Variants in INTS8 observed in about 807,000 individuals in gnomAD.
The protein encoded by INTS8 is protein kaonashi-1.
In INTS8, 47 loss-of-function variants were observed where a neutral mutation model predicts 138.9. The observed-to-expected ratio is 0.34, with a 90% CI of 0.27 to 0.43. The LOEUF (loss-of-function observed/expected upper bound fraction) is 0.43, where lower values mean the gene tolerates loss of function less well. Ranked by LOEUF, INTS8 falls within the 20% of genes least tolerant of loss-of-function variation. The pLI, the probability that INTS8 is intolerant of heterozygous loss-of-function variation, is 1.00. For synonymous variants in INTS8, 392 were observed against 400.9 expected (o/e 0.98, Z 0.27); for missense variants, 996 against 1,173.0 (o/e 0.85, Z 2.20).
intron 10 of INTS8, among the ~76,000 whole-genome samples, chr8:94,844,597 A>G (rs938075667): frequency 4.6e-5 from 7 of 152,144 alleles, no homozygotes; most frequent in African/African-American, 9.7e-5. Flanking sequence ...GATTACAGGC[A>G]TGAGCCGTGC....
intron 15 of INTS8, among the ~76,000 whole-genome samples, chr8:94,858,221 A>G (rs1222217157): frequency 6.6e-6 from 1 of 152,264 alleles, no homozygotes; most frequent in Admixed American, 6.5e-5. Context: ...GAATTGCATT[A>G]TAAAAGGAAG....
chr8:94,858,582 T>G (rs1267056613), intron 15 of INTS8, among the ~76,000 whole-genome samples: 2 of 152,244 alleles, frequency 1.3e-5, no homozygotes, highest in African/African-American at 4.8e-5. Context: ...TGTCAGGCAT[T>G]GTTCTAAGCT....
intron 8 of INTS8, among the ~76,000 whole-genome samples, chr8:94,840,132 G>A (rs554158437): frequency 8.5e-5 from 13 of 152,270 alleles, no homozygotes; most frequent in Admixed American, 7.2e-4. Flanking sequence ...GTATTTCTTC[G>A]AATGGCATTG....
At chr8:94,843,764 T>C (rs1324690321) in intron 10 of INTS8, among the ~76,000 whole-genome samples, 2 of 152,152 alleles carry the variant, frequency 1.3e-5, no homozygotes, top group African/African-American at 4.8e-5. Context: ...TTATGTTACA[T>C]ACCTAGGGAA....
At chr8:94,844,441 G>C (rs1386151016) in intron 10 of INTS8, among the ~76,000 whole-genome samples, 2 of 151,474 alleles carry the variant, frequency 1.3e-5, no homozygotes, top group African/African-American at 2.4e-5. Flanking sequence ...CTCAGCCTCC[G>C]GAGTAGCTGG....
intron 16 of INTS8, among the ~76,000 whole-genome samples, chr8:94,862,972 T>C (rs1484228843): frequency 6.6e-6 from 1 of 152,206 alleles, no homozygotes; most frequent in Non-Finnish European, 1.5e-5. Context: ...CATAGGAACA[T>C]ATTTTCCTAC....
chr8:94,853,774 C>CAT (rs751306325), intron 13 of INTS8, 31 bp from the exon 14 acceptor site: 23 of 1,222,470 alleles, frequency 1.9e-5, no homozygotes, highest in Middle Eastern at 1.9e-4. Context: ...TCTATGTGTG[C>CAT]ATATATATAT....
chr8:94,867,392 T>G, intron 20 of INTS8, 55 bp downstream of exon 20: 1 of 1,312,594 alleles, frequency 7.6e-7, no homozygotes, highest in Non-Finnish European at 1.1e-6. Context: ...TTGGAAACCA[T>G]TCTGACTAGT....
At chr8:94,875,272 A>T (rs192872079) in intron 23 of INTS8, among the ~76,000 whole-genome samples, 166 of 152,326 alleles carry the variant, frequency 1.1e-3, no homozygotes, top group Non-Finnish European at 1.5e-3. Flanking sequence ...TATCTATGCA[A>T]TGAAATATTA....
chr8:94,836,517 A>G lies in INTS8; in HGVS notation c.754-7A>G. The G allele has an allele frequency of 6.2e-7, 1 of 1,607,846 alleles. No homozygotes were observed. Among genetic ancestry groups the G allele is most frequent in the South Asian group, 1.1e-5 (1 of 90,496 alleles). ...GTTAAGCAAATTGGTGTTCATTATTATTTCAGGTGTGCTATGATTTGGGCG... is the reference window on the plus strand; with the variant it reads ...GTTAAGCAAATTGGTGTTCATTATTGTTTCAGGTGTGCTATGATTTGGGCG... On this transcript the variant is annotated splice_region_variant and splice_polypyrimidine_tract_variant and intron_variant, in intron 6 of 26. Transcript: ENST00000523731.
In INTS8 at chr8:94,881,427, C is replaced by CTGTT. The variant is rs1816804974; in HGVS notation, c.*1195_*1198dup. 1.8e-6 allele frequency: 1 copy of CTGTT among 549,684 alleles called. No homozygotes were observed. Among genetic ancestry groups the CTGTT allele is most frequent in the Admixed American group, 3.5e-5 (1 of 28,180 alleles). 34.1% of individuals were successfully genotyped at this position (549,684 alleles called of 1,614,324 possible). A position where few individuals can be genotyped will look rare whatever the true frequency, so the allele number is the denominator to read the frequency against. On this transcript the variant is annotated 3_prime_UTR_variant, in exon 27 of 27. Transcript: ENST00000523731. ...AAGACATCTTTGTAAACAAGTCCTG[C>CTGTT]TGTTTCTTTAACAGCTAACATAGGA... is the stretch of plus-strand genomic sequence containing the variant.
chr8:94,879,887 C>G, intron 26 of INTS8: 1 of 302,796 alleles, frequency 3.3e-6, no homozygotes, highest in Non-Finnish European at 6.1e-6. Flanking sequence ...TATTAAAATG[C>G]CACTTAAGTA....
At chr8:94,845,556 G>A (rs571791351) in intron 10 of INTS8, among the ~76,000 whole-genome samples, 4 of 152,190 alleles carry the variant, frequency 2.6e-5, no homozygotes, top group Admixed American at 1.3e-4. Context: ...TCCGCCTCCC[G>A]CGTTCAAGTG....
At chr8:94,846,288 C>T (rs1183962131) in intron 10 of INTS8, among the ~76,000 whole-genome samples, 2 of 151,640 alleles carry the variant, frequency 1.3e-5, no homozygotes, top group African/African-American at 4.8e-5. Context: ...TTTACTTTTT[C>T]TTTGAGATGG....
chr8:94,840,330 C>CT (rs137951488), intron 8 of INTS8, among the ~76,000 whole-genome samples: 2 of 152,266 alleles, frequency 1.3e-5, no homozygotes, highest in Non-Finnish European at 2.9e-5. Context: ...TATGTCAGTA[C>CT]TTTTCTGGTA....
chr8:94,831,054 C>T (rs892282595), intron 5 of INTS8, among the ~76,000 whole-genome samples: 4 of 152,168 alleles, frequency 2.6e-5, no homozygotes, highest in African/African-American at 9.7e-5. Flanking sequence ...TCTTGGGCTC[C>T]TAAAGTGCTG....
chr8:94,824,787 C>G, intron 1 of INTS8, 106 bp from the exon 2 acceptor site: 1 of 80,998 alleles, frequency 1.2e-5, no homozygotes, highest in South Asian at 4.6e-4. Flanking sequence ...CCCAAACTCC[C>G]CCCCCCCCCA....
chr8:94,844,126 C>T (rs1449806699), intron 10 of INTS8, among the ~76,000 whole-genome samples: 3 of 151,830 alleles, frequency 2.0e-5, no homozygotes, highest in African/African-American at 7.3e-5. Context: ...GCAACCTCCG[C>T]CTCCCAGGTT....
At chr8:94,861,861 T>A (rs1332911651) in intron 16 of INTS8, among the ~76,000 whole-genome samples, 1 of 149,254 alleles carries the variant, frequency 6.7e-6, no homozygotes, top group Non-Finnish European at 1.5e-5. Flanking sequence ...CGGCCCTTTT[T>A]GTTATCTTTA....
Sources: gnomAD v4.1 joint callset for allele counts (sites outside exome capture counted in the v4.1 genomes callset) on GRCh38, gnomAD v4.1.1 for gene constraint, MANE v1.5 for transcripts, NCBI Gene and HGNC (gene_info 2026-07-23, HGNC 2026-07-21) for gene names.